FSTL4: variants seen among roughly 807,000 people sequenced by gnomAD.
The protein encoded by FSTL4 is follistatin-related protein 4.
A neutral mutation model predicts 78.2 loss-of-function variants in FSTL4; 28 were observed. The ratio of observed to expected loss-of-function variants is 0.36; its 90% CI spans 0.27 to 0.49. The LOEUF (loss-of-function observed/expected upper bound fraction) is 0.49, where lower values mean the gene tolerates loss of function less well. FSTL4 is among the 20% of genes least tolerant of loss of function. The probability of loss-of-function intolerance (pLI) is 0.98; values close to 1 mark genes in which losing one functional copy is unlikely to be tolerated. For missense variants in FSTL4, 922 were observed against 1,084.9 expected (o/e 0.85, Z 2.11); for synonymous variants, 422 against 440.5 (o/e 0.96, Z 0.53).
the FSTL4 span, among the ~76,000 whole-genome samples, chr5:133,739,129 C>T: frequency 6.6e-6 from 1 of 152,092 alleles, no homozygotes; most frequent in South Asian, 2.1e-4. Context: ...ATTTTTTTTA[C>T]TGAGCACCAA....
At chr5:133,626,484 C>T in the FSTL4 span, among the ~76,000 whole-genome samples, 967 of 149,334 alleles carry the variant, frequency 6.5e-3, 9 homozygotes, top group African/African-American at 0.023. Context: ...ATTACAGGTG[C>T]GAACCACCGC....
chr5:133,376,572 C>T (rs866732713), intron 4 of FSTL4, among the ~76,000 whole-genome samples: 5 of 152,026 alleles, frequency 3.3e-5, no homozygotes, highest in African/African-American at 1.2e-4. Flanking sequence ...CAAACCCAAC[C>T]GGTTAAAGTA....
chr5:133,566,711 T>C (rs998318227), intron 3 of FSTL4, among the ~76,000 whole-genome samples: 2 of 152,212 alleles, frequency 1.3e-5, no homozygotes, highest in Admixed American at 1.3e-4. Context: ...TGGAACTGTT[T>C]TCAAAAGGAA....
the FSTL4 span, among the ~76,000 whole-genome samples, chr5:133,779,030 T>C: frequency 1.6e-4 from 24 of 152,018 alleles, no homozygotes; most frequent in Non-Finnish European, 3.5e-4. Flanking sequence ...ACCCATGGAG[T>C]AGGACCTCTG....
intron 3 of FSTL4, among the ~76,000 whole-genome samples, chr5:133,428,559 G>A (rs973527525): frequency 1.3e-5 from 2 of 152,230 alleles, no homozygotes; most frequent in African/African-American, 2.4e-5. Flanking sequence ...AGACCTGTGT[G>A]AACTGGCACC....
At chr5:133,494,964 T>G (rs1453839240) in intron 3 of FSTL4, among the ~76,000 whole-genome samples, 1 of 152,252 alleles carries the variant, frequency 6.6e-6, no homozygotes, top group Non-Finnish European at 1.5e-5. Flanking sequence ...ATATTTTGAC[T>G]GGTGAGGCTG....
intron 10 of FSTL4, among the ~76,000 whole-genome samples, chr5:133,224,903 C>A (rs571350612): frequency 0.023 from 3,534 of 152,268 alleles, 150 homozygotes; most frequent in African/African-American, 0.081. Context: ...TCCTTGTGTT[C>A]CTGGGCTCTG....
At chr5:133,269,145 G>T (rs1471516932) in intron 6 of FSTL4, among the ~76,000 whole-genome samples, 1 of 134,376 alleles carries the variant, frequency 7.4e-6, no homozygotes, top group Non-Finnish European at 1.5e-5. Context: ...TCGTGCCACT[G>T]CACCACTCCA....
At position 133,361,951 on chromosome 5, in the gene FSTL4, A is replaced by T. The variant is rs1755080855; in HGVS notation, c.409+38787T>A. ...ATATTTATAATTATTTGAGCCTAGAACCTAACTCTAGTTATCCATGAATAC... is the reference window on the plus strand; with the variant it reads ...ATATTTATAATTATTTGAGCCTAGATCCTAACTCTAGTTATCCATGAATAC... On this transcript the variant is annotated intron_variant, in intron 4 of 15. Coordinates refer to ENST00000265342, the MANE Select transcript of FSTL4 (RefSeq NM_015082.2). The surrounding 1 kb of genome is among the most constrained non-coding windows in gnomAD (Gnocchi z 4.3). Among the ~76,000 whole-genome samples, 1 of 152,244 alleles carries T rather than the reference A, an allele frequency of 6.6e-6. No individual in the cohort carries two copies. The highest frequency in any genetic ancestry group is 1.5e-5 in the Non-Finnish European group (1 of 68,030).
chr5:133,199,554 G>A lies in FSTL4; in HGVS notation c.2070C>T (p.Gly690=). 1 of 1,613,986 alleles carries A rather than the reference G, an allele frequency of 6.2e-7. No homozygotes were observed. The highest frequency in any genetic ancestry group is 1.1e-5 in the South Asian group (1 of 91,086). Residue 690 remains glycine (G), a synonymous_variant, in exon 16 of 16, where the codon GGC becomes GGT. Coordinates refer to ENST00000265342, the MANE Select transcript of FSTL4 (RefSeq NM_015082.2). The surrounding 1 kb of genome is among the most constrained non-coding windows in gnomAD (Gnocchi z 4.4). The stretch of plus-strand genomic sequence containing the variant: ...GCCCGTCGGGGGATGTGTGTGGGGT[G>A]CCTGTTACATCACCATTGGGGCCAA... The part of the protein sequence containing the change: ...SVLGPNGDVT[G]TPHTSPDGRF...
chr5:133,528,814 A>G lies in FSTL4; in HGVS notation c.160+38372T>C, dbSNP rs762555387. ...GTCAGCATGGCAGGGATACCACCTCATATTTTAGAAATAAACAAATTGAGA... is the reference window on the plus strand; with the variant it reads ...GTCAGCATGGCAGGGATACCACCTCGTATTTTAGAAATAAACAAATTGAGA... On this transcript the variant is annotated intron_variant, in intron 3 of 15. Transcript: ENST00000265342. Among the ~76,000 whole-genome samples, 72 of 152,340 alleles carry G rather than the reference A, an allele frequency of 4.7e-4. 1 individual carries two copies. Among genetic ancestry groups the G allele is most frequent in the Non-Finnish European group, 4.4e-4 (30 of 68,020 alleles).
At chr5:133,767,907 T>A in the FSTL4 span, among the ~76,000 whole-genome samples, 1 of 152,166 alleles carries the variant, frequency 6.6e-6, no homozygotes. Context: ...TCTGGAGCTT[T>A]AGAGAGAATG....
At chr5:133,264,453 C>G (rs1239915077) in intron 6 of FSTL4, among the ~76,000 whole-genome samples, 1 of 152,044 alleles carries the variant, frequency 6.6e-6, no homozygotes, top group Admixed American at 6.5e-5. Flanking sequence ...CCAAACCTTG[C>G]CCGGGGGTGT....
At chr5:133,323,038 A>G (rs1206123531) in intron 4 of FSTL4, among the ~76,000 whole-genome samples, 4 of 152,176 alleles carry the variant, frequency 2.6e-5, no homozygotes, top group Admixed American at 2.6e-4. Context: ...GGGCATTTTC[A>G]TGAAGCTGGA....
At chr5:133,605,218 T>G (rs1041212782) in intron 1 of FSTL4, among the ~76,000 whole-genome samples, 2 of 152,114 alleles carry the variant, frequency 1.3e-5, no homozygotes, top group Admixed American at 1.3e-4. Flanking sequence ...CAAGGAAACT[T>G]TAGGGGTTAT....
At chr5:133,503,824 C>T (rs80236115) in intron 3 of FSTL4, among the ~76,000 whole-genome samples, 2,785 of 152,284 alleles carry the variant, frequency 0.018, 78 homozygotes, top group Middle Eastern at 0.065. Context: ...AGTCCATTCT[C>T]ACACTGCTAT....
At chr5:133,443,524 C>T (rs1488478260) in intron 3 of FSTL4, among the ~76,000 whole-genome samples, 1 of 152,242 alleles carries the variant, frequency 6.6e-6, no homozygotes, top group Non-Finnish European at 1.5e-5. Flanking sequence ...AGGGGAAATA[C>T]TGAGCTTTTA....
At chr5:133,532,558 T>C (rs913464573) in intron 3 of FSTL4, among the ~76,000 whole-genome samples, 1 of 152,180 alleles carries the variant, frequency 6.6e-6, no homozygotes, top group African/African-American at 2.4e-5. Context: ...AGGAAGACCC[T>C]GCTAGACAGA....
the FSTL4 span, among the ~76,000 whole-genome samples, chr5:133,628,574 G>A: frequency 6.6e-6 from 1 of 151,908 alleles, no homozygotes; most frequent in African/African-American, 2.4e-5. Flanking sequence ...TGGTCAGGCT[G>A]GTCTCGAACT....
Sources: allele counts gnomAD v4.1 joint callset (sites outside exome capture counted in the v4.1 genomes callset), GRCh38; gene constraint gnomAD v4.1.1; non-coding constraint Gnocchi (gnomAD v3.1); transcripts MANE v1.5; gene names NCBI Gene and HGNC (gene_info 2026-07-23, HGNC 2026-07-21).